The following MCTP1 variants were observed in gnomAD, a reference collection of about 807,000 sequenced individuals.
MCTP1 encodes multiple C2 and transmembrane domain containing 1, also known as multiple C2 and transmembrane domain-containing protein 1.
Under a neutral mutation model 120.6 loss-of-function variants are expected in MCTP1, and 69 were observed. The ratio of observed to expected loss-of-function variants is 0.57; its 90% confidence interval spans 0.47 to 0.70. The LOEUF is 0.70. Ranked by LOEUF, MCTP1 falls within the 30% of genes least tolerant of loss-of-function variation. The pLI is 0.00. For missense variants in MCTP1, 1,203 were observed against 1,248.8 expected (o/e 0.96, Z 0.55); for synonymous variants, 529 against 493.1 (o/e 1.07, Z -0.96).
chr5:94,909,408 A>C, intron 9 of MCTP1, 27 bp from the exon 10 acceptor site: 1 of 1,568,112 alleles, frequency 6.4e-7, no homozygotes, highest in African/African-American at 1.4e-5. Flanking sequence ...TAATTGTCAT[A>C]TTGCTAGCAG....
chr5:95,083,767 T>G (rs537323186), intron 1 of MCTP1, among the ~76,000 whole-genome samples: 20 of 152,304 alleles, frequency 1.3e-4, no homozygotes, highest in Non-Finnish European at 2.8e-4. Context: ...TAAGTCACAT[T>G]TGCCCTCTAC....
At chr5:95,153,414 C>A (rs1215119279) in intron 1 of MCTP1, among the ~76,000 whole-genome samples, 3 of 152,156 alleles carry the variant, frequency 2.0e-5, no homozygotes, top group Non-Finnish European at 2.9e-5. Flanking sequence ...TGGACTAATA[C>A]AATTATATAC....
At chr5:95,195,847 G>A (rs1431657235) in intron 1 of MCTP1, among the ~76,000 whole-genome samples, 1 of 152,066 alleles carries the variant, frequency 6.6e-6, no homozygotes, top group Non-Finnish European at 1.5e-5. Context: ...TTCCCAAAGA[G>A]GGATTAAAGA....
chr5:95,070,604 G>A (rs545227499), intron 1 of MCTP1, among the ~76,000 whole-genome samples: 2 of 152,328 alleles, frequency 1.3e-5, no homozygotes, highest in East Asian at 1.9e-4. Context: ...CACTACTCCT[G>A]TCTGCTCTGC....
intron 18 of MCTP1, chr5:94,793,247 G>C (rs985362664): frequency 2.0e-5 from 3 of 152,176 alleles, no homozygotes; most frequent in African/African-American, 7.2e-5. Context: ...TATCTAACAA[G>C]GCTAAACAGT....
intron 2 of MCTP1, among the ~76,000 whole-genome samples, chr5:94,966,137 C>T (rs1477277240): frequency 3.3e-5 from 5 of 152,106 alleles, no homozygotes; most frequent in African/African-American, 1.2e-4. Context: ...GAGGAACAAT[C>T]TGGAATTTTA....
intron 1 of MCTP1, among the ~76,000 whole-genome samples, chr5:95,043,604 T>A (rs1355210387): frequency 1.3e-5 from 2 of 151,972 alleles, no homozygotes; most frequent in African/African-American, 2.4e-5. Context: ...CCTTTAACAT[T>A]GTTGATTTGC....
intron 17 of MCTP1, among the ~76,000 whole-genome samples, chr5:94,843,836 A>T (rs1335851430): frequency 1.3e-5 from 2 of 152,224 alleles, no homozygotes; most frequent in African/African-American, 4.8e-5. Context: ...GGACCAGTGC[A>T]TCTGAATAAG....
chr5:95,009,650 T>C (rs1477396334), intron 2 of MCTP1, among the ~76,000 whole-genome samples: 1 of 151,930 alleles, frequency 6.6e-6, no homozygotes, highest in Non-Finnish European at 1.5e-5. Flanking sequence ...CTAGGCATCA[T>C]GTATTTTTAT....
chr5:94,979,931 CTAA>C (rs1310314290), intron 2 of MCTP1, among the ~76,000 whole-genome samples: 1 of 151,998 alleles, frequency 6.6e-6, no homozygotes, highest in African/African-American at 2.4e-5. Context: ...TTGTTTGGTG[CTAA>C]TAATAAGGAA....
At chr5:94,943,031 A>C (rs984805126) in intron 3 of MCTP1, among the ~76,000 whole-genome samples, 2 of 152,074 alleles carry the variant, frequency 1.3e-5, no homozygotes, top group Admixed American at 1.3e-4. Flanking sequence ...TCAATACTCT[A>C]TCCAGTATCT....
At chr5:94,921,676 T>G (rs1156385790) in intron 7 of MCTP1, among the ~76,000 whole-genome samples, 1 of 152,234 alleles carries the variant, frequency 6.6e-6, no homozygotes, top group Non-Finnish European at 1.5e-5. Flanking sequence ...GACCTTTGAA[T>G]GTGACTATGG....
At chr5:95,124,478 C>T (rs1255360040) in intron 1 of MCTP1, among the ~76,000 whole-genome samples, 1 of 152,224 alleles carries the variant, frequency 6.6e-6, no homozygotes, top group Non-Finnish European at 1.5e-5. Flanking sequence ...TTGACTAATA[C>T]AGATGTCTGT....
At chr5:95,281,604 C>G (rs1760323306) in intron 1 of MCTP1, among the ~76,000 whole-genome samples, 1 of 152,192 alleles carries the variant, frequency 6.6e-6, no homozygotes, top group African/African-American at 2.4e-5. Context: ...ACCATTCTGT[C>G]TGCCTATATC....
At chr5:94,888,671 T>C (rs1011618845) in intron 12 of MCTP1, among the ~76,000 whole-genome samples, 3 of 152,226 alleles carry the variant, frequency 2.0e-5, no homozygotes, top group African/African-American at 7.2e-5. Flanking sequence ...TGTTTTTTAG[T>C]GTTTATTTTT....
chr5:94,766,829 A>C (rs1772864782), intron 19 of MCTP1, among the ~76,000 whole-genome samples: 1 of 152,234 alleles, frequency 6.6e-6, no homozygotes, highest in Admixed American at 6.5e-5. Flanking sequence ...CCCAAACTGG[A>C]TAGCTTTACT....
chr5:95,043,982 A>T (rs1235014187), intron 1 of MCTP1, among the ~76,000 whole-genome samples: 2 of 152,294 alleles, frequency 1.3e-5, no homozygotes, highest in African/African-American at 4.8e-5. Context: ...TGCAGGAGCA[A>T]ATTAGCTAGA....
chr5:95,199,923 G>T (rs1444332966), intron 1 of MCTP1, among the ~76,000 whole-genome samples: 1 of 151,572 alleles, frequency 6.6e-6, no homozygotes, highest in East Asian at 1.9e-4. Context: ...CACTCTGGGA[G>T]GCCGAGGCAG....
At chr5:94,809,310 G>A (rs1444504738) in intron 17 of MCTP1, among the ~76,000 whole-genome samples, 1 of 151,888 alleles carries the variant, frequency 6.6e-6, no homozygotes, top group African/African-American at 2.4e-5. Flanking sequence ...CAAAGTCAGA[G>A]ATGAAAGGCT....
Sources: gnomAD v4.1 joint callset for allele counts (sites outside exome capture counted in the v4.1 genomes callset) on GRCh38, gnomAD v4.1.1 for gene constraint, MANE v1.5 for transcripts, NCBI Gene and HGNC (gene_info 2026-07-23, HGNC 2026-07-21) for gene names.